Variants in RALGAPA2 observed in about 807,000 individuals in gnomAD.
RALGAPA2 encodes the protein ral GTPase-activating protein subunit alpha-2.
RALGAPA2 carries 139 observed loss-of-function variants against 230.4 expected under a neutral mutation model. That is an observed-to-expected ratio of 0.60 (90% CI 0.53 to 0.69). RALGAPA2 has a LOEUF of 0.69. Ranked by LOEUF, RALGAPA2 falls within the 30% of genes least tolerant of loss-of-function variation. The pLI, the probability that RALGAPA2 is intolerant of heterozygous loss-of-function variation, is 0.00. For missense variants in RALGAPA2, 2,163 were observed against 2,276.0 expected (o/e 0.95, Z 1.01); for synonymous variants, 847 against 837.8 (o/e 1.01, Z -0.19).
rs992331405 is a variant in RALGAPA2 at position 20,513,099 on chromosome 20, G to C, written c.4270C>G (p.Pro1424Ala). 6.3e-7 allele frequency: 1 copy of C among 1,597,538 alleles called. No homozygotes were observed. The highest frequency in any genetic ancestry group is 1.7e-5 in the Admixed American group (1 of 58,170). The change falls in exon 32 of 40, where the codon CCA (proline) becomes GCA (alanine). Residue 1424 changes from proline to alanine, a missense_variant. Pro to Ala is a conservative substitution (Grantham distance 27). Transcript: ENST00000202677. ...TTAAATACAAACAGCTGCAGGTTTG[G>C]ACTTCTGAACACCTCAAAGGACAGC... ...SELSFEVFRS[P>A]NLQLFVFNDS...
intron 34 of RALGAPA2, 50 bp from the exon 35 acceptor site, chr20:20,503,556 C>T: frequency 1.7e-5 from 24 of 1,411,660 alleles, no homozygotes; most frequent in Non-Finnish European, 2.3e-5. Context: ...ATGAGCTGCT[C>T]TTTCACTAAG....
chr20:20,630,133 C>T (rs1327345967), intron 9 of RALGAPA2, among the ~76,000 whole-genome samples: 1 of 152,154 alleles, frequency 6.6e-6, no homozygotes, highest in African/African-American at 2.4e-5. Context: ...TTAGGTCAAA[C>T]ATAAATAAAT....
At chr20:20,619,252 CT>C in intron 12 of RALGAPA2, 24 bp downstream of exon 12, 1 of 1,577,646 alleles carries the variant, frequency 6.3e-7, no homozygotes, top group Non-Finnish European at 8.6e-7. Flanking sequence ...GTGGAGGGGT[CT>C]TCATGTCCTG....
chr20:20,695,663 T>C (rs183695602), intron 1 of RALGAPA2, among the ~76,000 whole-genome samples: 1 of 152,350 alleles, frequency 6.6e-6, no homozygotes, highest in African/African-American at 2.4e-5. Context: ...GTAGCTAACC[T>C]AATACTGTCA....
At chr20:20,555,518 C>T (rs1392720996) in intron 23 of RALGAPA2, among the ~76,000 whole-genome samples, 2 of 152,140 alleles carry the variant, frequency 1.3e-5, no homozygotes, top group Non-Finnish European at 2.9e-5. Flanking sequence ...GGGAGTACTG[C>T]TATCTTAATA....
chr20:20,448,641 C>A (rs529611201), intron 37 of RALGAPA2, among the ~76,000 whole-genome samples: 14 of 152,062 alleles, frequency 9.2e-5, no homozygotes, highest in African/African-American at 3.4e-4. Flanking sequence ...GGCAATTCTA[C>A]GAAAAGATAT....
At chr20:20,524,084 G>A (rs900324049) in intron 30 of RALGAPA2, among the ~76,000 whole-genome samples, 2 of 152,104 alleles carry the variant, frequency 1.3e-5, no homozygotes, top group African/African-American at 2.4e-5. Context: ...AGCCTCCGGG[G>A]TAGCTGGGCC....
chr20:20,671,853 A>T (rs546110033), intron 3 of RALGAPA2, among the ~76,000 whole-genome samples: 53 of 152,302 alleles, frequency 3.5e-4, no homozygotes, highest in African/African-American at 1.1e-3. Context: ...CATGACAACA[A>T]ATGTAATTCT....
chr20:20,395,043 G>A (rs2059682834), intron 39 of RALGAPA2, among the ~76,000 whole-genome samples: 1 of 152,148 alleles, frequency 6.6e-6, no homozygotes, highest in Admixed American at 6.5e-5. Flanking sequence ...AGGGAAAGAG[G>A]GGTGCACCTC....
intron 37 of RALGAPA2, among the ~76,000 whole-genome samples, chr20:20,414,307 C>G (rs985892985): frequency 6.6e-6 from 1 of 152,200 alleles, no homozygotes; most frequent in Non-Finnish European, 1.5e-5. Flanking sequence ...CTGTCATGCT[C>G]TGCCTAGCAT....
At chr20:20,450,714 T>C (rs762108857) in intron 37 of RALGAPA2, among the ~76,000 whole-genome samples, 5 of 152,256 alleles carry the variant, frequency 3.3e-5, no homozygotes, top group African/African-American at 1.2e-4. Context: ...GTGAGAATAA[T>C]GGTCCAACAG....
At chr20:20,610,341 T>C (rs1041643343) in intron 14 of RALGAPA2, among the ~76,000 whole-genome samples, 2 of 152,210 alleles carry the variant, frequency 1.3e-5, no homozygotes, top group African/African-American at 4.8e-5. Context: ...AACATCACAG[T>C]AGGCTGCCAT....
intron 3 of RALGAPA2, among the ~76,000 whole-genome samples, chr20:20,672,735 C>A (rs1192798230): frequency 6.6e-6 from 1 of 152,088 alleles, no homozygotes; most frequent in African/African-American, 2.4e-5. Flanking sequence ...TGAACAGAAA[C>A]TTATCAATAT....
chr20:20,511,070 T>G (rs1381148294), intron 33 of RALGAPA2, among the ~76,000 whole-genome samples, 184 bp downstream of exon 33: 1 of 152,170 alleles, frequency 6.6e-6, no homozygotes, highest in Non-Finnish European at 1.5e-5. Flanking sequence ...GTATCAAACA[T>G]GAAAGTTTAT....
chr20:20,605,108 A>G, intron 15 of RALGAPA2, 67 bp downstream of exon 15: 1 of 1,353,742 alleles, frequency 7.4e-7, no homozygotes, highest in South Asian at 1.3e-5. Flanking sequence ...TTAATTGCTT[A>G]GTCATACAAA....
At chr20:20,505,162 G>A in intron 34 of RALGAPA2, 1 of 985,276 alleles carries the variant, frequency 1.0e-6, no homozygotes, top group Non-Finnish European at 1.2e-6. Flanking sequence ...GAGCCCATCT[G>A]ACTATTCAGT....
chr20:20,601,036 G>A (rs1415608777), intron 16 of RALGAPA2, among the ~76,000 whole-genome samples: 1 of 152,038 alleles, frequency 6.6e-6, no homozygotes, highest in Admixed American at 6.6e-5. Flanking sequence ...GAAGGCAGAG[G>A]TTGCAGTGAG....
chr20:20,687,408 C>G (rs2068745985), intron 1 of RALGAPA2, among the ~76,000 whole-genome samples: 1 of 152,204 alleles, frequency 6.6e-6, no homozygotes, highest in African/African-American at 2.4e-5. Context: ...TTCCTTCCAT[C>G]CACACATTTG....
At chr20:20,516,232 G>T (rs1336035539) in intron 31 of RALGAPA2, among the ~76,000 whole-genome samples, 1 of 152,196 alleles carries the variant, frequency 6.6e-6, no homozygotes, top group African/African-American at 2.4e-5. Flanking sequence ...CCACCTGTTG[G>T]TATGTATCCC....
Sources: gnomAD v4.1 joint callset for allele counts (sites outside exome capture counted in the v4.1 genomes callset) on GRCh38, gnomAD v4.1.1 for gene constraint, MANE v1.5 for transcripts, NCBI Gene and HGNC (gene_info 2026-07-23, HGNC 2026-07-21) for gene names.